Variants in PRIMA1 observed in about 807,000 individuals in gnomAD.
PRIMA1 encodes proline rich membrane anchor 1, also known as proline-rich membrane anchor 1.
In PRIMA1, 7 loss-of-function variants were observed where a neutral mutation model predicts 17.5. The ratio of observed to expected loss-of-function variants is 0.40; its 90% CI spans 0.23 to 0.75. PRIMA1 has a LOEUF of 0.75. Among genes scored for constraint, PRIMA1 ranks in the 30% least tolerant of loss-of-function variants. The pLI is 0.37. For missense variants in PRIMA1, 200 were observed against 201.8 expected, an observed-to-expected ratio of 0.99 and a Z score of 0.05; for synonymous variants, 97 against 77.9, an observed-to-expected ratio of 1.25 and a Z score of -1.29.
chr14:93,725,212 G>C (rs537075132), intron 4 of PRIMA1, among the ~76,000 whole-genome samples: 14 of 149,634 alleles, frequency 9.4e-5, no homozygotes, highest in African/African-American at 3.3e-4. Flanking sequence ...GCAGGTAAGG[G>C]GCTCGGCACC....
chr14:93,778,988 T>C (rs1885302816), intron 3 of PRIMA1, among the ~76,000 whole-genome samples, 188 bp downstream of exon 3: 1 of 152,012 alleles, frequency 6.6e-6, no homozygotes, highest in Admixed American at 6.6e-5. Flanking sequence ...CTTCTCCATC[T>C]TGCAGGAGCA....
intron 4 of PRIMA1, among the ~76,000 whole-genome samples, chr14:93,731,130 T>C (rs2076111609): frequency 7.9e-6 from 1 of 126,654 alleles, no homozygotes; most frequent in African/African-American, 2.7e-5. Context: ...ATGCACAATA[T>C]GTTCTTTGTT....
intron 3 of PRIMA1, among the ~76,000 whole-genome samples, chr14:93,758,220 C>T (rs1284403148): frequency 6.6e-6 from 1 of 152,188 alleles, no homozygotes; most frequent in Non-Finnish European, 1.5e-5. Flanking sequence ...TCTTGACACA[C>T]ATCAAGTCTT....
At chr14:93,740,805 G>A (rs2076179842) in intron 3 of PRIMA1, among the ~76,000 whole-genome samples, 1 of 152,200 alleles carries the variant, frequency 6.6e-6, no homozygotes, top group South Asian at 2.1e-4. Context: ...CTCACACAAG[G>A]CAGAATTGTC....
At chr14:93,760,261 A>T (rs2076318954) in intron 3 of PRIMA1, among the ~76,000 whole-genome samples, 1 of 152,050 alleles carries the variant, frequency 6.6e-6, no homozygotes, top group Non-Finnish European at 1.5e-5. Context: ...TCATTGTCCT[A>T]CCTCGACTAA....
At chr14:93,760,936 C>T (rs1004362464) in intron 3 of PRIMA1, among the ~76,000 whole-genome samples, 1 of 152,072 alleles carries the variant, frequency 6.6e-6, no homozygotes, top group African/African-American at 2.4e-5. Context: ...CTCTTACTAC[C>T]CCCACCCCAA....
At chr14:93,735,476 C>T (rs1351691266) in intron 4 of PRIMA1, among the ~76,000 whole-genome samples, 1 of 152,114 alleles carries the variant, frequency 6.6e-6, no homozygotes, top group African/African-American at 2.4e-5. Flanking sequence ...CTTTATGGTC[C>T]AGATCAGAAT....
At chr14:93,721,871 T>C (rs1163333281) in intron 4 of PRIMA1, among the ~76,000 whole-genome samples, 1 of 152,236 alleles carries the variant, frequency 6.6e-6, no homozygotes, top group South Asian at 2.1e-4. Flanking sequence ...ATGTTCAGTC[T>C]AGCACGATCA....
chr14:93,781,494 A>G (rs554419880), intron 2 of PRIMA1, among the ~76,000 whole-genome samples: 194 of 152,340 alleles, frequency 1.3e-3, no homozygotes, highest in African/African-American at 4.4e-3. Context: ...TTATTTTCTC[A>G]ATCTCCAAGG....
intron 1 of PRIMA1, 32 bp from the exon 2 acceptor site, chr14:93,787,781 A>G (rs1455454139): frequency 2.9e-5 from 44 of 1,520,148 alleles, no homozygotes; most frequent in Non-Finnish European, 3.7e-5. Context: ...GGTCAGGCGG[A>G]CACCGCGCAG....
At chr14:93,736,817 T>C (rs1247227673) in intron 4 of PRIMA1, among the ~76,000 whole-genome samples, 1 of 152,260 alleles carries the variant, frequency 6.6e-6, no homozygotes, top group East Asian at 1.9e-4. Context: ...AGTCAGGAAA[T>C]GTTTTAAAAA....
At chr14:93,759,044 C>T (rs2076309913) in intron 3 of PRIMA1, among the ~76,000 whole-genome samples, 1 of 152,184 alleles carries the variant, frequency 6.6e-6, no homozygotes, top group Admixed American at 6.5e-5. Flanking sequence ...AGCAGTGAAA[C>T]AGAACCATCA....
chr14:93,786,799 T>G (rs1300998551), intron 2 of PRIMA1, among the ~76,000 whole-genome samples: 2 of 152,220 alleles, frequency 1.3e-5, no homozygotes, highest in Admixed American at 1.3e-4. Flanking sequence ...ACTGGTTAAT[T>G]TCATCATGGA....
chr14:93,773,130 G>C (rs1461997168), intron 3 of PRIMA1, among the ~76,000 whole-genome samples: 1 of 152,186 alleles, frequency 6.6e-6, no homozygotes. Context: ...AGGTCTAGAG[G>C]GCAGGAAGCC....
At position 93,721,248 on chromosome 14, in the gene PRIMA1, T is replaced by C. The variant is rs544653715; in HGVS notation, c.*196A>G. On this transcript the variant is annotated 3_prime_UTR_variant, in exon 5 of 5. Coordinates refer to ENST00000393140, the MANE Select transcript of PRIMA1 (RefSeq NM_178013.4). ...AGGTGCTGCGCCGGGCTCAGCCTGG[T>C]GTCCGAGCTGCCTGGGCCCGCAGGC... 1 of 562,666 alleles carries C rather than the reference T, an allele frequency of 1.8e-6. No homozygotes were observed. The highest frequency in any genetic ancestry group is 1.9e-5 in the African/African-American group (1 of 53,044). 34.9% of individuals were successfully genotyped at this position (562,666 alleles called of 1,614,324 possible). A position where few individuals can be genotyped will look rare whatever the true frequency, so the allele number is the denominator to read the frequency against.
At position 93,787,757 on chromosome 14, in the gene PRIMA1, G is replaced by C; in HGVS notation, c.-31-8C>G. ...GCCCGCTCCTGGGGCGAACTGTCAG[G>C]AGAGCAAGGCTAGGGTCAGGCGGAC... is the stretch of plus-strand genomic sequence containing the variant. On this transcript the variant is annotated splice_polypyrimidine_tract_variant and splice_region_variant and intron_variant, in intron 1 of 4. Coordinates refer to ENST00000393140, the MANE Select transcript of PRIMA1 (RefSeq NM_178013.4). The C allele has an allele frequency of 6.5e-7, 1 of 1,537,812 alleles. No homozygotes were observed. The highest frequency in any genetic ancestry group is 8.7e-7 in the Non-Finnish European group (1 of 1,145,282).
intron 4 of PRIMA1, among the ~76,000 whole-genome samples, chr14:93,724,523 G>A (rs1040980548): frequency 2.0e-5 from 3 of 152,168 alleles, no homozygotes; most frequent in African/African-American, 7.2e-5. Context: ...GCCTTAAGCA[G>A]CTCTGATGTT....
At chr14:93,780,886 T>C (rs1392396422) in intron 2 of PRIMA1, among the ~76,000 whole-genome samples, 3 of 152,198 alleles carry the variant, frequency 2.0e-5, no homozygotes, top group Non-Finnish European at 4.4e-5. Flanking sequence ...CAGCCACGGT[T>C]GATTTCTCTG....
At chr14:93,733,267 C>T (rs1217424078) in intron 4 of PRIMA1, among the ~76,000 whole-genome samples, 1 of 152,238 alleles carries the variant, frequency 6.6e-6, no homozygotes, top group Non-Finnish European at 1.5e-5. Context: ...TGCCCCTCCT[C>T]TGAACACCGT....
Sources: gnomAD v4.1 joint callset for allele counts (sites outside exome capture counted in the v4.1 genomes callset) on GRCh38, gnomAD v4.1.1 for gene constraint, MANE v1.5 for transcripts, NCBI Gene and HGNC (gene_info 2026-07-23, HGNC 2026-07-21) for gene names.